The following CDC42BPA variants were observed in gnomAD, a reference collection of about 807,000 sequenced individuals.
CDC42BPA encodes serine/threonine-protein kinase MRCK alpha.
In CDC42BPA, 80 loss-of-function variants were observed where a neutral mutation model predicts 223.5. The ratio of observed to expected loss-of-function variants is 0.36; its 90% CI spans 0.30 to 0.43. The LOEUF (loss-of-function observed/expected upper bound fraction) is 0.43. Among genes scored for constraint, CDC42BPA ranks in the 20% least tolerant of loss-of-function variants. The pLI is 1.00. For synonymous variants in CDC42BPA, 694 were observed against 718.6 expected, an observed-to-expected ratio of 0.97 and a Z score of 0.55; for missense variants, 1,743 against 2,099.9, an observed-to-expected ratio of 0.83 and a Z score of 3.32.
intron 17 of CDC42BPA, among the ~76,000 whole-genome samples, chr1:227,079,422 A>C (rs988072991): frequency 6.6e-6 from 1 of 152,066 alleles, no homozygotes; most frequent in Admixed American, 6.6e-5. Context: ...CACTTGAAAA[A>C]ATCAGTAGTC....
rs147808138 is a variant in CDC42BPA, at chr1:227,268,616, G to GTA, written c.179-14463_179-14462dup. On this transcript the variant is annotated intron_variant, in intron 1 of 36. Transcript: ENST00000366766. ...TATATATAGTGTGTGTATAGTGTGT[G>GTA]TATATATATAGTATGTGTATATATA... Among the ~76,000 whole-genome samples, 1,305 of 142,138 alleles carry GTA rather than the reference G, an allele frequency of 9.2e-3. 8 individuals are homozygous for GTA. The highest frequency in any genetic ancestry group is 0.016 in the Non-Finnish European group (1,042 of 66,692). 93.2% of individuals were successfully genotyped at this position (142,138 alleles called of 152,430 possible). A position where few individuals can be genotyped will look rare whatever the true frequency, so the allele number is the denominator to read the frequency against.
At chr1:227,106,813 G>GA (rs1686019603) in intron 14 of CDC42BPA, among the ~76,000 whole-genome samples, 1 of 152,158 alleles carries the variant, frequency 6.6e-6, no homozygotes, top group African/African-American at 2.4e-5. Flanking sequence ...AACATCTGTA[G>GA]AAACTATTCT....
At chr1:227,142,412 G>A (rs761168454) in intron 9 of CDC42BPA, among the ~76,000 whole-genome samples, 2 of 152,128 alleles carry the variant, frequency 1.3e-5, no homozygotes, top group Non-Finnish European at 2.9e-5. Flanking sequence ...CATTGGTAAG[G>A]ATTAGATTCT....
chr1:227,000,048 T>C (rs1662470666), intron 35 of CDC42BPA, among the ~76,000 whole-genome samples: 1 of 151,550 alleles, frequency 6.6e-6, no homozygotes, highest in South Asian at 2.1e-4. Context: ...TGTATACCTA[T>C]GTAACAAACC....
Position 226,994,303 on chromosome 1 carries a change from G to C in CDC42BPA, c.5230C>G (p.Leu1744Val), listed in dbSNP as rs751642687. ...ASPRKTKSLS[L>V]ESTDRGSWDP Reference sequence around the variant, plus strand: ...CAGCTCCCGCGGTCAGTGCTCTCCAGGGAGAGGCTCTTGGTTTTTCGGGGT... The same window carrying C: ...CAGCTCCCGCGGTCAGTGCTCTCCACGGAGAGGCTCTTGGTTTTTCGGGGT... Residue 1744 changes from leucine to valine, a missense_variant, in exon 37 of 37, where the codon CTG (leucine) becomes GTG (valine). Coordinates refer to ENST00000366766, the MANE Select transcript of CDC42BPA (RefSeq NM_001394014.1). The surrounding 1 kb of genome is among the most constrained non-coding windows in gnomAD (Gnocchi z 4.0). 1.3e-6 allele frequency: 2 copies of C among 1,595,792 alleles called. No homozygotes were observed. Among genetic ancestry groups the C allele is most frequent in the East Asian group, 2.3e-5 (1 of 44,338 alleles).
At chr1:227,069,348 T>G (rs1378765563) in intron 21 of CDC42BPA, 1 of 153,224 alleles carries the variant, frequency 6.5e-6, no homozygotes, top group Non-Finnish European at 1.5e-5. Flanking sequence ...CAAAAGCACT[T>G]CTTACTGTAT....
At chr1:227,223,917 C>G (rs751605650) in intron 2 of CDC42BPA, among the ~76,000 whole-genome samples, 3 of 152,090 alleles carry the variant, frequency 2.0e-5, no homozygotes, top group Non-Finnish European at 4.4e-5. Flanking sequence ...ATGATTGTGC[C>G]CCACTGTAGG....
intron 12 of CDC42BPA, among the ~76,000 whole-genome samples, chr1:227,113,539 A>G (rs1429246426): frequency 6.6e-6 from 1 of 152,228 alleles, no homozygotes; most frequent in African/African-American, 2.4e-5. Context: ...AACAACAAAA[A>G]CAATAAAAAT....
At chr1:227,125,378 G>T (rs1689380434) in intron 11 of CDC42BPA, among the ~76,000 whole-genome samples, 1 of 151,922 alleles carries the variant, frequency 6.6e-6, no homozygotes, top group Non-Finnish European at 1.5e-5. Context: ...TTGGAAAGCT[G>T]AGGAGGGCGA....
intron 1 of CDC42BPA, among the ~76,000 whole-genome samples, chr1:227,256,940 T>TACACACACACACACACACAC (rs1160019576): frequency 5.1e-5 from 6 of 117,528 alleles, no homozygotes; most frequent in African/African-American, 1.9e-4. Flanking sequence ...ATGTGATATA[T>TACACACACACACACACACAC]ATATACAGAC....
intron 35 of CDC42BPA, among the ~76,000 whole-genome samples, chr1:227,003,801 T>C (rs1325336501): frequency 6.6e-6 from 1 of 152,076 alleles, no homozygotes; most frequent in Non-Finnish European, 1.5e-5. Flanking sequence ...AAAGAGATGC[T>C]GCAGTTCCGA....
chr1:227,029,119 C>T lies in CDC42BPA; in HGVS notation c.3970G>A (p.Glu1324Lys), dbSNP rs1668777962. The change falls in exon 30 of 37, where the codon GAG becomes AAG. Residue 1324 changes from glutamate (E) to lysine (K), a missense_variant. Glu to Lys is a moderately conservative substitution (Grantham distance 56). Coordinates refer to ENST00000366766, the MANE Select transcript of CDC42BPA (RefSeq NM_001394014.1). ...TCTGACAGCTTGTAAAAATCGGTCT[C>T]TCGCCCATCCAATGCTGACATAGGA... ...LFPMSALDGR[E>K]TDFYKLSETK... 6.2e-7 allele frequency: 1 copy of T among 1,612,026 alleles called. No homozygotes were observed. Among genetic ancestry groups the T allele is most frequent in the African/African-American group, 1.3e-5 (1 of 75,058 alleles).
chr1:227,230,908 A>G (rs1325814706), intron 2 of CDC42BPA, among the ~76,000 whole-genome samples: 1 of 140,914 alleles, frequency 7.1e-6, no homozygotes, highest in Non-Finnish European at 1.5e-5. Context: ...GCAATCTCCG[A>G]CACCCGGGTT....
intron 10 of CDC42BPA, among the ~76,000 whole-genome samples, chr1:227,136,216 T>C (rs1197266357): frequency 6.6e-6 from 1 of 152,104 alleles, no homozygotes; most frequent in East Asian, 1.9e-4. Flanking sequence ...ATCAAATGAA[T>C]AATCCTTAAC....
intron 2 of CDC42BPA, among the ~76,000 whole-genome samples, chr1:227,239,545 T>G (rs565752005): frequency 6.6e-6 from 1 of 152,254 alleles, no homozygotes; most frequent in South Asian, 2.1e-4. Context: ...ACTCTGTATT[T>G]TCTGCTCAAT....
At chr1:227,029,274 T>A in intron 29 of CDC42BPA, 24 bp from the exon 30 acceptor site, 1 of 1,418,000 alleles carries the variant, frequency 7.1e-7, no homozygotes, top group Non-Finnish European at 9.6e-7. Flanking sequence ...GAATAATAAA[T>A]CAAAATATAG....
intron 1 of CDC42BPA, among the ~76,000 whole-genome samples, chr1:227,305,957 C>T (rs1692462233): frequency 6.6e-6 from 1 of 152,068 alleles, no homozygotes; most frequent in Admixed American, 6.6e-5. Flanking sequence ...CAGAGCGAGA[C>T]TCCATCTCAA....
At chr1:227,132,602 ATG>A (rs995542814) in intron 10 of CDC42BPA, among the ~76,000 whole-genome samples, 2 of 132,268 alleles carry the variant, frequency 1.5e-5, no homozygotes, top group Non-Finnish European at 3.2e-5. Flanking sequence ...ATCGTCTGGG[ATG>A]TGAGGAGCCC....
intron 5 of CDC42BPA, among the ~76,000 whole-genome samples, chr1:227,178,644 T>C (rs896343412): frequency 9.8e-5 from 15 of 152,300 alleles, no homozygotes; most frequent in African/African-American, 4.8e-5. Flanking sequence ...TACAGGCATG[T>C]GCCACCACGC....
Sources: allele counts gnomAD v4.1 joint callset (sites outside exome capture counted in the v4.1 genomes callset), GRCh38; gene constraint gnomAD v4.1.1; non-coding constraint Gnocchi (gnomAD v3.1); transcripts MANE v1.5; gene names NCBI Gene and HGNC (gene_info 2026-07-23, HGNC 2026-07-21).